Variants in MRAP2 observed in about 807,000 individuals in gnomAD.
The protein encoded by MRAP2 is melanocortin-2 receptor accessory protein 2.
MRAP2 carries 20 observed loss-of-function variants against 17.4 expected under a neutral mutation model. The ratio of observed to expected loss-of-function variants is 1.15; its 90% CI spans 0.81 to 1.67. The LOEUF is 1.67. MRAP2 is among the 40% of genes most tolerant of loss of function. MRAP2 has a pLI of 0.00. For missense variants in MRAP2, 238 were observed against 240.0 expected, an observed-to-expected ratio of 0.99 and a Z score of 0.05; for synonymous variants, 96 against 88.4, an observed-to-expected ratio of 1.09 and a Z score of -0.48.
rs1342909946 is a variant in MRAP2, at chr6:84,089,305, A to C, written c.442A>C (p.Ile148Leu). The C allele has an allele frequency of 6.2e-7, 1 of 1,614,250 alleles. No homozygotes were observed. The highest frequency in any genetic ancestry group is 1.1e-5 in the South Asian group (1 of 91,084). The stretch of plus-strand genomic sequence containing the variant: ...CAGTGACGTCCAACTCCAGGAAGCC[A>C]TCAGAAGCAGTGGGCAGCCAGAGGA... ...LDSDVQLQEA[I>L]RSSGQPEEEL... Residue 148 changes from isoleucine to leucine, a missense_variant, in exon 4 of 4, where the codon ATC becomes CTC. By Grantham distance (5) the Ile-to-Leu change is conservative (BLOSUM62 2). Transcript: ENST00000257776.
chr6:84,051,284 C>T (rs927122126), intron 1 of MRAP2, among the ~76,000 whole-genome samples: 3 of 152,152 alleles, frequency 2.0e-5, no homozygotes, highest in African/African-American at 7.2e-5. Flanking sequence ...GGACTGGGCA[C>T]GGTGACTACA....
At chr6:84,053,134 G>C (rs989869851) in intron 1 of MRAP2, among the ~76,000 whole-genome samples, 1 of 152,104 alleles carries the variant, frequency 6.6e-6, no homozygotes, top group African/African-American at 2.4e-5. Flanking sequence ...GCGTGGCCGT[G>C]GGAGAACAGC....
At chr6:84,086,254 GGAGA>G (rs1363065879) in intron 3 of MRAP2, among the ~76,000 whole-genome samples, 1 of 152,210 alleles carries the variant, frequency 6.6e-6, no homozygotes, top group Non-Finnish European at 1.5e-5. Flanking sequence ...ATGATTGTTT[GGAGA>G]GAGTTATCCT....
chr6:84,096,695 A>C, the MRAP2 span, among the ~76,000 whole-genome samples: 1 of 152,162 alleles, frequency 6.6e-6, no homozygotes, highest in Non-Finnish European at 1.5e-5. Flanking sequence ...ATGTCATCTC[A>C]GCTGCAGACT....
chr6:84,086,747 C>T (rs1356995549), intron 3 of MRAP2, among the ~76,000 whole-genome samples: 4 of 152,118 alleles, frequency 2.6e-5, no homozygotes, highest in South Asian at 2.1e-4. Context: ...GGAAAGGCAC[C>T]TCAGAGGGGC....
the MRAP2 span, among the ~76,000 whole-genome samples, chr6:84,110,297 T>C: frequency 2.0e-5 from 3 of 152,256 alleles, no homozygotes; most frequent in African/African-American, 7.2e-5. Context: ...TGCCATGAGA[T>C]GGTATCTCAT....
chr6:84,062,642 G>T (rs2099493452), intron 2 of MRAP2: 1 of 985,262 alleles, frequency 1.0e-6, no homozygotes, highest in Non-Finnish European at 1.2e-6. Context: ...TTCCTTCCTT[G>T]AGATATGGAA....
intron 2 of MRAP2, among the ~76,000 whole-genome samples, chr6:84,060,324 G>C (rs1279858795): frequency 6.6e-6 from 1 of 152,000 alleles, no homozygotes; most frequent in Admixed American, 6.6e-5. Context: ...TATCTCCCTG[G>C]GGGTACTTAG....
chr6:84,037,802 G>A (rs546171065), intron 1 of MRAP2, among the ~76,000 whole-genome samples: 5 of 151,950 alleles, frequency 3.3e-5, no homozygotes, highest in South Asian at 2.1e-4. Context: ...TGGCCAGCCC[G>A]GGTTCCTGCC....
At position 84,089,146 on chromosome 6, in the gene MRAP2, G is replaced by A. The variant is rs141999696; in HGVS notation, c.283G>A (p.Gly95Arg). The change falls in exon 4 of 4, where the codon GGA becomes AGA. Residue 95 changes from glycine (G) to arginine (R), a missense_variant. By Grantham distance (125) the Gly-to-Arg change is moderately radical. Coordinates refer to ENST00000257776, the MANE Select transcript of MRAP2 (RefSeq NM_138409.4). ...FRMNSFVSDF[G>R]RPLEPDKVFS... is the part of the protein sequence containing the mutation. Reference sequence around the variant, plus strand: ...AATGAACAGCTTTGTGTCAGACTTTGGAAGACCTCTGGAGCCAGATAAAGT... The same window carrying A: ...AATGAACAGCTTTGTGTCAGACTTTAGAAGACCTCTGGAGCCAGATAAAGT... 4 of 1,613,998 alleles carry A rather than the reference G, an allele frequency of 2.5e-6. No individual in the cohort carries two copies. In the African/African-American group the frequency reaches 5.3e-5, roughly 22 times the overall value.
At chr6:84,081,095 G>C (rs1269093595) in intron 3 of MRAP2, among the ~76,000 whole-genome samples, 1 of 152,182 alleles carries the variant, frequency 6.6e-6, no homozygotes, top group Non-Finnish European at 1.5e-5. Flanking sequence ...TAGGGATGTT[G>C]ACAAAGTCAC....
intron 1 of MRAP2, among the ~76,000 whole-genome samples, chr6:84,042,630 C>T (rs1238402108): frequency 6.6e-6 from 1 of 152,132 alleles, no homozygotes; most frequent in Non-Finnish European, 1.5e-5. Context: ...TTATAAAGCC[C>T]CTCTTTTCTG....
the MRAP2 span, among the ~76,000 whole-genome samples, chr6:84,122,932 A>G: frequency 3.9e-5 from 6 of 152,158 alleles, no homozygotes; most frequent in African/African-American, 1.4e-4. Flanking sequence ...CTATACACCA[A>G]TAACATTCAA....
At chr6:84,104,005 A>C in the MRAP2 span, among the ~76,000 whole-genome samples, 1 of 152,226 alleles carries the variant, frequency 6.6e-6, no homozygotes, top group South Asian at 2.1e-4. Context: ...AAGAAACCTG[A>C]TGCCTCTTCT....
chr6:84,084,897 T>G (rs1253645505), intron 3 of MRAP2, among the ~76,000 whole-genome samples: 1 of 115,732 alleles, frequency 8.6e-6, no homozygotes, highest in Admixed American at 8.2e-5. Flanking sequence ...TATTTTATTT[T>G]ATTTTATTTT....
At chr6:84,067,730 GT>G (rs57643473) in intron 3 of MRAP2, among the ~76,000 whole-genome samples, 36,072 of 125,400 alleles carry the variant, frequency 0.29, 5,695 homozygotes, top group African/African-American at 0.52. Flanking sequence ...GGATGGAATT[GT>G]TTTTTTTTTT....
intron 3 of MRAP2, among the ~76,000 whole-genome samples, chr6:84,071,066 A>G (rs2099496081): frequency 1.3e-5 from 2 of 151,814 alleles, no homozygotes; most frequent in Admixed American, 6.6e-5. Flanking sequence ...TTTACATTCA[A>G]TGTTAGTATT....
chr6:84,119,175 T>C, the MRAP2 span, among the ~76,000 whole-genome samples: 1 of 152,240 alleles, frequency 6.6e-6, no homozygotes, highest in Non-Finnish European at 1.5e-5. Context: ...TCTTTTGTGG[T>C]TCCATATAAC....
chr6:84,071,020 T>C (rs980298276), intron 3 of MRAP2, among the ~76,000 whole-genome samples: 1 of 152,150 alleles, frequency 6.6e-6, no homozygotes, highest in South Asian at 2.1e-4. Context: ...ATCCATTCTG[T>C]GGTTCTGTAT....
Sources: gnomAD v4.1 joint callset for allele counts (sites outside exome capture counted in the v4.1 genomes callset) on GRCh38, gnomAD v4.1.1 for gene constraint, MANE v1.5 for transcripts, NCBI Gene and HGNC (gene_info 2026-07-23, HGNC 2026-07-21) for gene names.